The following IFT81 variants were observed in gnomAD, a reference collection of about 807,000 sequenced individuals.
The protein encoded by IFT81 is intraflagellar transport protein 81 homolog.
In IFT81, 72 loss-of-function variants were observed where a neutral mutation model predicts 102.6. The ratio of observed to expected loss-of-function variants is 0.70; its 90% CI spans 0.58 to 0.85. The LOEUF is 0.85. Among genes scored for constraint, IFT81 ranks in the 40% least tolerant of loss-of-function variants. The pLI, the probability that IFT81 is intolerant of heterozygous loss-of-function variation, is 0.00. For missense variants in IFT81, 723 were observed against 787.3 expected (o/e 0.92, Z 0.98); for synonymous variants, 237 against 242.7 (o/e 0.98, Z 0.22).
chr12:110,206,858 T>C (rs1868698753), intron 17 of IFT81, among the ~76,000 whole-genome samples: 1 of 152,110 alleles, frequency 6.6e-6, no homozygotes, highest in Non-Finnish European at 1.5e-5. Flanking sequence ...TATGTAAACT[T>C]TGTTCATATA....
At chr12:110,168,529 T>A (rs868577166) in intron 11 of IFT81, 55 of 734,268 alleles carry the variant, frequency 7.5e-5, no homozygotes, top group African/African-American at 1.5e-4. Context: ...TTAATTTTTT[T>A]AAAAAGTATC....
At chr12:110,161,988 A>G (rs1166227076) in intron 10 of IFT81, among the ~76,000 whole-genome samples, 1 of 152,208 alleles carries the variant, frequency 6.6e-6, no homozygotes, top group Non-Finnish European at 1.5e-5. Context: ...AAATCTCCCA[A>G]GAGTTACTAG....
chr12:110,140,077 AAGT>A (rs1374432111), intron 8 of IFT81, among the ~76,000 whole-genome samples: 8 of 151,788 alleles, frequency 5.3e-5, no homozygotes, highest in African/African-American at 1.9e-4. Context: ...ATAAATAAAT[AAGT>A]AGCACATATT....
intron 8 of IFT81, among the ~76,000 whole-genome samples, chr12:110,141,342 G>A (rs146638434): frequency 6.6e-6 from 1 of 152,254 alleles, no homozygotes; most frequent in African/African-American, 2.4e-5. Flanking sequence ...CCAGCCTACA[G>A]TGTGATTTAT....
chr12:110,176,917 C>G (rs144148752), intron 11 of IFT81, among the ~76,000 whole-genome samples: 78 of 152,336 alleles, frequency 5.1e-4, no homozygotes, highest in African/African-American at 1.8e-3. Flanking sequence ...AAATTGGCCT[C>G]TATATTACAG....
chr12:110,179,868 A>G (rs1593343860), intron 11 of IFT81, among the ~76,000 whole-genome samples: 1 of 147,450 alleles, frequency 6.8e-6, no homozygotes, highest in Middle Eastern at 3.3e-3. Context: ...ATATGTACAT[A>G]TAATGGGTCA....
chr12:110,217,467 T>C (rs1870279509), intron 18 of IFT81, among the ~76,000 whole-genome samples: 1 of 152,214 alleles, frequency 6.6e-6, no homozygotes, highest in Admixed American at 6.5e-5. Flanking sequence ...TCTACATTCT[T>C]CTTTTCACAC....
rs368858667 is a variant in IFT81 at position 110,198,956 on chromosome 12, T to C, written c.1558-4908T>C. ...TCTTGAGTAGCTGGGACTACAGGCA[T>C]GCGCACCACGCCTGGCTAATTTTTG... On this transcript the variant is annotated intron_variant, in intron 14 of 18. Coordinates refer to ENST00000242591, the MANE Select transcript of IFT81 (RefSeq NM_014055.4). Among the ~76,000 whole-genome samples the C allele has an allele frequency of 3.3e-5, 5 of 152,044 alleles. 1 individual carries two copies. The East Asian group carries it at 9.7e-4, about 29-fold the overall frequency.
At chr12:110,203,733 A>G (rs1898424826) in intron 14 of IFT81, 131 bp from the exon 15 acceptor site, 3 of 675,890 alleles carry the variant, frequency 4.4e-6, no homozygotes, top group South Asian at 3.4e-5. Flanking sequence ...TGGTTGTTGC[A>G]TAAATAACTC....
intron 8 of IFT81, 68 bp from the exon 9 acceptor site, chr12:110,143,306 TATATTTAA>T: frequency 1.1e-6 from 1 of 874,070 alleles, no homozygotes. Context: ...ATCCAGGTCT[TATATTTAA>T]AATAGTATAC....
At chr12:110,135,178 C>G (rs1455530016) in intron 6 of IFT81, 149 bp from the exon 7 acceptor site, 6 of 712,772 alleles carry the variant, frequency 8.4e-6, no homozygotes, top group Non-Finnish European at 1.4e-5. Context: ...CCAGCACTTT[C>G]AAGGACCTGG....
chr12:110,214,969 A>T (rs1305854334), intron 18 of IFT81, among the ~76,000 whole-genome samples: 1 of 152,196 alleles, frequency 6.6e-6, no homozygotes, highest in African/African-American at 2.4e-5. Context: ...ACTTAAATAG[A>T]TGTATTAATA....
chr12:110,168,687 A>G (rs527294449), intron 11 of IFT81: 2 of 152,528 alleles, frequency 1.3e-5, no homozygotes, highest in East Asian at 1.9e-4. Flanking sequence ...TTATGTATTA[A>G]CTGAAACAAA....
chr12:110,203,809 C>A, intron 14 of IFT81, 55 bp from the exon 15 acceptor site: 1 of 1,155,852 alleles, frequency 8.7e-7, no homozygotes, highest in Non-Finnish European at 1.3e-6. Context: ...GTTTCAGAGC[C>A]ATGTTTGGGA....
chr12:110,179,260 A>G (rs1056269883), intron 11 of IFT81, among the ~76,000 whole-genome samples: 2 of 152,148 alleles, frequency 1.3e-5, no homozygotes, highest in Non-Finnish European at 2.9e-5. Flanking sequence ...TGCTACCAAA[A>G]TAGTACAGTA....
Position 110,143,445 on chromosome 12 carries a change from C to A in IFT81, c.845C>A (p.Pro282His). 2.6e-6 allele frequency: 4 copies of A among 1,533,206 alleles called. No homozygotes were observed. Among genetic ancestry groups the A allele is most frequent in the Non-Finnish European group, 2.6e-6 (3 of 1,146,492 alleles). 95.0% of individuals were successfully genotyped at this position (1,533,206 alleles called of 1,614,324 possible). A position where few individuals can be genotyped will look rare whatever the true frequency, so the allele number is the denominator to read the frequency against. Reference sequence around the variant, plus strand: ...TTATATATGGTAACTGAAAAATTTCCTAAAGAATTAGAAAATAAGAAAAAG... The same window carrying A: ...TTATATATGGTAACTGAAAAATTTCATAAAGAATTAGAAAATAAGAAAAAG... ...FNLYMVTEKF[P>H]KELENKKKEL... Residue 282 changes from proline (P) to histidine (H), a missense_variant, in exon 9 of 19, where the codon CCT (proline) becomes CAT (histidine). Pro to His is a moderately conservative substitution (Grantham distance 77). Transcript: ENST00000242591.
intron 14 of IFT81, among the ~76,000 whole-genome samples, chr12:110,199,366 G>A (rs1351860769): frequency 6.6e-6 from 1 of 152,034 alleles, no homozygotes; most frequent in East Asian, 1.9e-4. Flanking sequence ...CTCTACAGTG[G>A]TTTTTCAGTT....
At chr12:110,131,330 T>C (rs1214930677) in intron 4 of IFT81, among the ~76,000 whole-genome samples, 1 of 151,934 alleles carries the variant, frequency 6.6e-6, no homozygotes, top group Non-Finnish European at 1.5e-5. Context: ...GGTAACAGGA[T>C]TTTTTTCATT....
chr12:110,218,289 G>T lies in IFT81; in HGVS notation c.*63G>T. On this transcript the variant is annotated 3_prime_UTR_variant, in exon 19 of 19. Coordinates refer to ENST00000242591, the MANE Select transcript of IFT81 (RefSeq NM_014055.4). ...CTAGCTATAAGCCTAATCTCATAAT[G>T]TATTTCTTTTTTGAAACTGATTTGT... 8.1e-7 allele frequency: 1 copy of T among 1,240,382 alleles called. No individual in the cohort carries two copies. Among genetic ancestry groups the T allele is most frequent in the African/African-American group, 1.6e-5 (1 of 63,940 alleles). The allele number at this position is 1,240,382 out of a possible 1,614,324, so 76.8% of individuals were successfully genotyped here.
Sources: allele counts gnomAD v4.1 joint callset (sites outside exome capture counted in the v4.1 genomes callset), GRCh38; gene constraint gnomAD v4.1.1; transcripts MANE v1.5; gene names NCBI Gene and HGNC (gene_info 2026-07-23, HGNC 2026-07-21).